TCAIM: variants seen among roughly 807,000 people sequenced by gnomAD.
The protein encoded by TCAIM is T cell activation inhibitor, mitochondrial.
TCAIM carries 36 observed loss-of-function variants against 58.6 expected under a neutral mutation model. The ratio of observed to expected loss-of-function variants is 0.61; its 90% CI spans 0.47 to 0.81. TCAIM has a LOEUF of 0.81. TCAIM is among the 30% of genes least tolerant of loss of function. TCAIM has a pLI of 0.00. For missense variants in TCAIM, 466 were observed against 579.6 expected, an observed-to-expected ratio of 0.80 and a Z score of 2.01; for synonymous variants, 172 against 193.6, an observed-to-expected ratio of 0.89 and a Z score of 0.93.
chr3:44,344,467 G>A (rs1175571477), intron 1 of TCAIM, among the ~76,000 whole-genome samples: 4 of 152,148 alleles, frequency 2.6e-5, no homozygotes, highest in Admixed American at 6.5e-5. Flanking sequence ...TATATTTCTT[G>A]CGGTTCTGGA....
intron 4 of TCAIM, among the ~76,000 whole-genome samples, chr3:44,365,614 C>A (rs902569292): frequency 6.6e-6 from 1 of 152,120 alleles, no homozygotes; most frequent in African/African-American, 2.4e-5. Context: ...AGGCATGAAC[C>A]ACTGCCCCGG....
intron 1 of TCAIM, among the ~76,000 whole-genome samples, chr3:44,344,502 G>A (rs184292929): frequency 3.2e-4 from 48 of 152,300 alleles, no homozygotes; most frequent in Admixed American, 2.6e-3. Context: ...ACATCAAGAT[G>A]TCTGCAGATT....
At position 44,404,808 on chromosome 3, in the gene TCAIM, A is replaced by AT. The variant is rs113556572; in HGVS notation, c.1251-2627dup. On this transcript the variant is annotated intron_variant, in intron 10 of 10. Transcript: ENST00000342649. Reference sequence around the variant, plus strand: ...TGCAAAAGTAATTGCAGTTTTTGCCATTTTTTTATGGCAAAAAACTGCAAT... The same window carrying AT: ...TGCAAAAGTAATTGCAGTTTTTGCCATTTTTTTTATGGCAAAAAACTGCAAT... Among the ~76,000 whole-genome samples the AT allele has an allele frequency of 9.2e-3, 1,284 of 139,240 alleles. 12 individuals carry two copies. Among genetic ancestry groups the AT allele is most frequent in the African/African-American group, 0.019 (735 of 38,856 alleles). 91.3% of individuals were successfully genotyped at this position (139,240 alleles called of 152,430 possible). A position where few individuals can be genotyped will look rare whatever the true frequency, so the allele number is the denominator to read the frequency against.
chr3:44,401,675 T>A (rs979151621), intron 10 of TCAIM, among the ~76,000 whole-genome samples: 1 of 152,226 alleles, frequency 6.6e-6, no homozygotes, highest in African/African-American at 2.4e-5. Context: ...ATTTTCAAAC[T>A]GTTGATATAA....
At chr3:44,398,748 A>G (rs1053476140) in intron 8 of TCAIM, among the ~76,000 whole-genome samples, 1 of 152,212 alleles carries the variant, frequency 6.6e-6, no homozygotes, top group Non-Finnish European at 1.5e-5. Context: ...GAATGTTTAT[A>G]ATAGCCAAAA....
intron 1 of TCAIM, among the ~76,000 whole-genome samples, chr3:44,348,710 G>T (rs1182303608): frequency 3.3e-5 from 5 of 152,216 alleles, no homozygotes; most frequent in African/African-American, 1.2e-4. Context: ...GTCGGGAGCA[G>T]ATTGGGTAAT....
Position 44,401,151 on chromosome 3 carries a change from G to T in TCAIM, c.1119-52G>T, listed in dbSNP as rs987529049. ...AGACTAATAAAATATTTTCTCTGGT[G>T]GGGGAGAGGAGAGGGTCAGTGGTTT... On this transcript the variant is annotated intron_variant, in intron 9 of 10. Coordinates refer to ENST00000342649, the MANE Select transcript of TCAIM (RefSeq NM_173826.4). 7.6e-6 allele frequency: 12 copies of T among 1,588,714 alleles called. No individual in the cohort carries two copies. The East Asian group carries it at 9.0e-5, about 12-fold the overall frequency.
intron 4 of TCAIM, among the ~76,000 whole-genome samples, chr3:44,366,370 C>T (rs1257580976): frequency 6.6e-6 from 1 of 151,884 alleles, no homozygotes; most frequent in East Asian, 1.9e-4. Context: ...TCACTGCAAC[C>T]TCCGCCTCCC....
At chr3:44,389,518 A>G (rs766018974) in intron 5 of TCAIM, among the ~76,000 whole-genome samples, 1 of 152,238 alleles carries the variant, frequency 6.6e-6, no homozygotes, top group Non-Finnish European at 1.5e-5. Flanking sequence ...TTCATATGTC[A>G]ATAAATCATG....
intron 5 of TCAIM, among the ~76,000 whole-genome samples, chr3:44,369,154 G>T (rs75498293): frequency 6.6e-6 from 1 of 152,334 alleles, no homozygotes; most frequent in Non-Finnish European, 1.5e-5. Flanking sequence ...GAGAATTGAA[G>T]TAGATTTCTC....
At chr3:44,356,001 G>A (rs1447736110) in intron 2 of TCAIM, among the ~76,000 whole-genome samples, 2 of 152,090 alleles carry the variant, frequency 1.3e-5, no homozygotes, top group Non-Finnish European at 2.9e-5. Flanking sequence ...TTAAACTCCT[G>A]TTCTAATCTT....
At chr3:44,358,210 T>G in intron 3 of TCAIM, 1 of 1,572,310 alleles carries the variant, frequency 6.4e-7, no homozygotes, top group South Asian at 1.2e-5. Flanking sequence ...TCTTTTTTTT[T>G]TTTAAGGATG....
chr3:44,379,637 C>T (rs893133290), intron 5 of TCAIM, among the ~76,000 whole-genome samples: 5 of 152,116 alleles, frequency 3.3e-5, no homozygotes, highest in African/African-American at 1.2e-4. Context: ...AAACCAAATA[C>T]CACATGTCCT....
Position 44,371,296 on chromosome 3 carries a change from G to A in TCAIM, c.572+3588G>A, listed in dbSNP as rs756177162. Among the ~76,000 whole-genome samples, 44 of 151,930 alleles carry A rather than the reference G, an allele frequency of 2.9e-4. 1 individual carries two copies. The highest frequency in any genetic ancestry group is 1.9e-4 in the East Asian group (1 of 5,166). On this transcript the variant is annotated intron_variant, in intron 5 of 10. Transcript: ENST00000342649. Reference sequence around the variant, plus strand: ...TAGTCTCAAACTCCTGAGCTCAAGCGATCCCCCTGCCTCAGCTTCCCAGAG... The same window carrying A: ...TAGTCTCAAACTCCTGAGCTCAAGCAATCCCCCTGCCTCAGCTTCCCAGAG...
At position 44,383,210 on chromosome 3, in the gene TCAIM, C is replaced by G. The variant is rs866263545; in HGVS notation, c.573-9645C>G. Among the ~76,000 whole-genome samples, 13 of 152,156 alleles carry G rather than the reference C, an allele frequency of 8.5e-5. No homozygotes were observed. The South Asian group carries it at 1.7e-3, about 19-fold the overall frequency. On this transcript the variant is annotated intron_variant, in intron 5 of 10. Transcript: ENST00000342649. ...CTCAAAAACTTAAATATAGATTTACCGTAAAATTGAGAGCAGTGTCTCAAA... is the reference window on the plus strand; with the variant it reads ...CTCAAAAACTTAAATATAGATTTACGGTAAAATTGAGAGCAGTGTCTCAAA...
chr3:44,359,137 G>C, intron 3 of TCAIM: 1 of 948,976 alleles, frequency 1.1e-6, no homozygotes, highest in Non-Finnish European at 1.3e-6. Flanking sequence ...TGTAGTCCCA[G>C]CTACTAGGGA....
chr3:44,386,719 C>G (rs1048559318), intron 5 of TCAIM, among the ~76,000 whole-genome samples: 1 of 152,244 alleles, frequency 6.6e-6, no homozygotes, highest in Admixed American at 6.5e-5. Flanking sequence ...CTATCTCTGT[C>G]CCTCCGGACT....
chr3:44,405,988 C>G (rs1401872002), intron 10 of TCAIM, among the ~76,000 whole-genome samples: 1 of 151,228 alleles, frequency 6.6e-6, no homozygotes, highest in Non-Finnish European at 1.5e-5. Context: ...CTCATGCTGA[C>G]TGCAGAGGCA....
chr3:44,370,078 T>G (rs1264631888), intron 5 of TCAIM, among the ~76,000 whole-genome samples: 1 of 111,570 alleles, frequency 9.0e-6, no homozygotes, highest in Non-Finnish European at 2.0e-5. Flanking sequence ...GTTATGTTGC[T>G]GTGAATTCTT....
Sources: gnomAD v4.1 joint callset for allele counts (sites outside exome capture counted in the v4.1 genomes callset) on GRCh38, gnomAD v4.1.1 for gene constraint, MANE v1.5 for transcripts, NCBI Gene and HGNC (gene_info 2026-07-23, HGNC 2026-07-21) for gene names.